The following SLC28A1 variants were observed in gnomAD, a reference collection of about 807,000 sequenced individuals.
The protein encoded by SLC28A1 is sodium/nucleoside cotransporter 1.
Under a neutral mutation model 74.8 loss-of-function variants are expected in SLC28A1, and 64 were observed. The ratio of observed to expected loss-of-function variants is 0.86; its 90% CI spans 0.70 to 1.05. The LOEUF (loss-of-function observed/expected upper bound fraction) is 1.05. SLC28A1 is among the 50% of genes least tolerant of loss of function. The pLI, the probability that SLC28A1 is intolerant of heterozygous loss-of-function variation, is 0.00. For synonymous variants in SLC28A1, 359 were observed against 335.0 expected (o/e 1.07, Z -0.78); for missense variants, 828 against 822.8 (o/e 1.01, Z -0.08).
chr15:84,933,554 G>A (rs1971552440), intron 13 of SLC28A1, among the ~76,000 whole-genome samples: 1 of 152,216 alleles, frequency 6.6e-6, no homozygotes, highest in South Asian at 2.1e-4. Flanking sequence ...TCTGGCGAGA[G>A]CCTTCTTGCT....
chr15:84,965,238 C>T, the SLC28A1 span, among the ~76,000 whole-genome samples: 1 of 152,142 alleles, frequency 6.6e-6, no homozygotes, highest in Admixed American at 6.6e-5. Context: ...TTCCTCCCAC[C>T]ATGTACAGAA....
At chr15:84,910,261 C>CGCAAA (rs1015987281) in intron 9 of SLC28A1, among the ~76,000 whole-genome samples, 1 of 152,216 alleles carries the variant, frequency 6.6e-6, no homozygotes, top group African/African-American at 2.4e-5. Flanking sequence ...ATGTCAGCCC[C>CGCAAA]GCAAAGGCCC....
At chr15:84,887,284 G>A (rs913759285) in intron 2 of SLC28A1, 56 of 827,590 alleles carry the variant, frequency 6.8e-5, no homozygotes, top group Non-Finnish European at 7.9e-5. Context: ...AGATACATAT[G>A]CAGGCTGTAT....
chr15:84,946,110 A>ATTT (rs1382844934), downstream of SLC28A1, among the ~76,000 whole-genome samples: 7 of 9,598 alleles, frequency 7.3e-4, no homozygotes, highest in African/African-American at 1.8e-3. Context: ...ATATATATAT[A>ATTT]TATTTTTTTT....
chr15:84,930,553 C>T (rs1971143505), intron 12 of SLC28A1, among the ~76,000 whole-genome samples: 1 of 151,798 alleles, frequency 6.6e-6, no homozygotes, highest in South Asian at 2.1e-4. Flanking sequence ...CCTGGCTTCT[C>T]AGCAGCAGGC....
intron 9 of SLC28A1, among the ~76,000 whole-genome samples, chr15:84,915,286 TG>T (rs1171609665): frequency 6.6e-5 from 10 of 152,134 alleles, no homozygotes; most frequent in African/African-American, 2.4e-4. Flanking sequence ...AGATACAACC[TG>T]CAGCATTGGT....
At chr15:84,923,432 T>C (rs1490233867) in intron 11 of SLC28A1, among the ~76,000 whole-genome samples, 1 of 152,108 alleles carries the variant, frequency 6.6e-6, no homozygotes, top group African/African-American at 2.4e-5. Context: ...GTTCCTATTC[T>C]ATATAACAGT....
At chr15:84,934,294 G>T (rs1196909362) in intron 13 of SLC28A1, among the ~76,000 whole-genome samples, 4 of 152,200 alleles carry the variant, frequency 2.6e-5, no homozygotes, top group African/African-American at 9.7e-5. Context: ...CTGTGGCCTG[G>T]TGTGTGTACA....
chr15:84,886,799 C>G lies in SLC28A1; in HGVS notation c.-17+12C>G. 2 of 982,438 alleles carry G rather than the reference C, an allele frequency of 2.0e-6. No individual in the cohort carries two copies. Among genetic ancestry groups the G allele is most frequent in the Non-Finnish European group, 2.4e-6 (2 of 827,168 alleles). 60.9% of individuals were successfully genotyped at this position (982,438 alleles called of 1,614,324 possible). On this transcript the variant is annotated intron_variant, in intron 2 of 18. Coordinates refer to ENST00000394573, the MANE Select transcript of SLC28A1 (RefSeq NM_004213.5). ...TTAACCGCAAATACGTGAGTAGAAA[C>G]AGGGCCCCGCTTCTGTGTGCGCTGC...
In SLC28A1 at chr15:84,906,524, G is replaced by GTTTCTTTCTTTCTTTC. The variant is rs1206034521; in HGVS notation, c.717+875_717+876insCTTTCTTTCTTTCTTT. Among the ~76,000 whole-genome samples the GTTTCTTTCTTTCTTTC allele has an allele frequency of 3.4e-3, 197 of 58,788 alleles. 1 individual carries two copies. The highest frequency in any genetic ancestry group is 4.8e-3 in the Non-Finnish European group (130 of 27,146). The allele number at this position is 58,788 out of a possible 152,430, so 38.6% of individuals were successfully genotyped here. On this transcript the variant is annotated intron_variant, in intron 8 of 18. Coordinates refer to ENST00000394573, the MANE Select transcript of SLC28A1 (RefSeq NM_004213.5). Reference sequence around the variant, plus strand: ...GGTTTGTTTGTTTGTTTGTTTGTTTGTTTGTTTCTTTCTTTCTTTCTTTCT... The same window carrying GTTTCTTTCTTTCTTTC: ...GGTTTGTTTGTTTGTTTGTTTGTTTGTTTCTTTCTTTCTTTCTTTGTTTCTTTCTTTCTTTCTTTCT...
intron 13 of SLC28A1, 96 bp downstream of exon 13, chr15:84,933,371 A>C: frequency 1.4e-6 from 2 of 1,452,016 alleles, no homozygotes; most frequent in African/African-American, 1.4e-5. Flanking sequence ...ACTGTCTTCC[A>C]CTAGCCTGGG....
chr15:84,899,879 G>C (rs1966413612), intron 6 of SLC28A1, among the ~76,000 whole-genome samples: 1 of 145,622 alleles, frequency 6.9e-6, no homozygotes, highest in South Asian at 2.4e-4. Context: ...GCGATAGAGG[G>C]AGATACTAAG....
At chr15:84,893,998 C>T (rs77546182) in intron 5 of SLC28A1, among the ~76,000 whole-genome samples, 8,672 of 152,242 alleles carry the variant, frequency 0.057, 350 homozygotes, top group Non-Finnish European at 0.088. Flanking sequence ...TACCTTTATT[C>T]GTGATGTTTC....
chr15:84,938,111 A>G (rs1340712485), intron 15 of SLC28A1, among the ~76,000 whole-genome samples: 1 of 150,254 alleles, frequency 6.7e-6, no homozygotes, highest in East Asian at 2.0e-4. Context: ...GGGGCAAGAG[A>G]CTCTCTTGAA....
chr15:84,940,424 A>C (rs1385111436), intron 15 of SLC28A1: 1 of 152,618 alleles, frequency 6.6e-6, no homozygotes, highest in African/African-American at 2.4e-5. Context: ...TTACATTTTA[A>C]TTTATTTCTT....
chr15:84,950,665 A>T (rs111337196), downstream of SLC28A1, among the ~76,000 whole-genome samples: 185 of 152,252 alleles, frequency 1.2e-3, 1 homozygote, highest in Middle Eastern at 0.014. Flanking sequence ...TGATAGCACC[A>T]CTGCACTCCA....
chr15:84,894,498 G>T lies in SLC28A1; in HGVS notation c.278-442G>T, dbSNP rs572984732. Among the ~76,000 whole-genome samples the T allele has an allele frequency of 2.9e-3, 446 of 152,302 alleles. 2 individuals are homozygous for T. Among genetic ancestry groups the T allele is most frequent in the African/African-American group, 6.9e-3 (285 of 41,566 alleles). ...GGGCAAAAGGGGAAAGGAAACTCCA[G>T]GAAGCATGCTCATTGATGAACATTT... On this transcript the variant is annotated intron_variant, in intron 5 of 18. Coordinates refer to ENST00000394573, the MANE Select transcript of SLC28A1 (RefSeq NM_004213.5).
At chr15:84,906,741 G>T (rs1243926290) in intron 8 of SLC28A1, among the ~76,000 whole-genome samples, 1 of 150,800 alleles carries the variant, frequency 6.6e-6, no homozygotes, top group African/African-American at 2.4e-5. Flanking sequence ...TTGAGCCACG[G>T]TGCCCAGCCA....
chr15:84,933,533 G>A (rs185149505), intron 13 of SLC28A1, among the ~76,000 whole-genome samples: 52 of 152,266 alleles, frequency 3.4e-4, no homozygotes, highest in African/African-American at 1.1e-3. Flanking sequence ...GTCCAAGGTC[G>A]AGGGGTTGTA....
Sources: gnomAD v4.1 joint callset for allele counts (sites outside exome capture counted in the v4.1 genomes callset) on GRCh38, gnomAD v4.1.1 for gene constraint, MANE v1.5 for transcripts, NCBI Gene and HGNC (gene_info 2026-07-23, HGNC 2026-07-21) for gene names.